The following ANKS1B variants were observed in gnomAD, a reference collection of about 807,000 sequenced individuals.
ANKS1B encodes ankyrin repeat and sterile alpha motif domain containing 1B.
In ANKS1B, 36 loss-of-function variants were observed where a neutral mutation model predicts 148.3. That is an observed-to-expected ratio of 0.24 (90% CI 0.19 to 0.32). The LOEUF (loss-of-function observed/expected upper bound fraction) is 0.32, where lower values mean the gene tolerates loss of function less well. ANKS1B is among the 10% of genes least tolerant of loss of function. ANKS1B has a pLI of 1.00. For synonymous variants in ANKS1B, 542 were observed against 560.8 expected (o/e 0.97, Z 0.47); for missense variants, 1,157 against 1,542.6 (o/e 0.75, Z 4.19).
intron 12 of ANKS1B, among the ~76,000 whole-genome samples, chr12:99,259,138 T>C (rs1602152857): frequency 6.6e-6 from 1 of 152,196 alleles, no homozygotes; most frequent in East Asian, 1.9e-4. Flanking sequence ...CGGATTACCC[T>C]AGAACCTCCT....
At position 98,926,135 on chromosome 12, in the gene ANKS1B, T is replaced by C. The variant is rs576791022; in HGVS notation, c.2779-93999A>G. 1.5e-3 allele frequency among the ~76,000 whole-genome samples: 221 copies of C among 152,288 alleles called. 1 individual carries two copies. The highest frequency in any genetic ancestry group is 4.9e-3 in the African/African-American group (202 of 41,564). On this transcript the variant is annotated intron_variant, in intron 17 of 26. Coordinates refer to ENST00000683438, the MANE Select transcript of ANKS1B (RefSeq NM_001352186.2). ...GTTGACTTTGAGGTTCTGTGCAAGC[T>C]GGATGTGAAGGCTAAGGCAGAGTTG...
chr12:99,771,472 CTA>C (rs2063187842), intron 8 of ANKS1B, among the ~76,000 whole-genome samples: 1 of 152,036 alleles, frequency 6.6e-6, no homozygotes, highest in East Asian at 1.9e-4. Flanking sequence ...AATATAAACA[CTA>C]TGTGTTGTTT....
chr12:98,961,335 TTTA>T (rs2099871056), intron 17 of ANKS1B, among the ~76,000 whole-genome samples: 1 of 152,180 alleles, frequency 6.6e-6, no homozygotes, highest in African/African-American at 2.4e-5. Flanking sequence ...GCATGACATA[TTTA>T]ATGTGCTGAA....
At chr12:98,824,610 A>G (rs1304206777) in intron 19 of ANKS1B, among the ~76,000 whole-genome samples, 3 of 152,244 alleles carry the variant, frequency 2.0e-5, no homozygotes, top group Non-Finnish European at 2.9e-5. Flanking sequence ...GAGTCACCAC[A>G]TAACTCGGTC....
chr12:99,186,294 G>C (rs7972090), intron 14 of ANKS1B, among the ~76,000 whole-genome samples: 10,682 of 152,206 alleles, frequency 0.07, 1,208 homozygotes, highest in African/African-American at 0.24. Context: ...TGGAGGAAGG[G>C]GCAGCTGTGG....
chr12:99,713,487 C>G (rs1191890047), intron 8 of ANKS1B, among the ~76,000 whole-genome samples: 1 of 152,138 alleles, frequency 6.6e-6, no homozygotes, highest in African/African-American at 2.4e-5. Context: ...GCCACATTTT[C>G]AACAGTTTGC....
chr12:99,196,601 T>C (rs2153891002), intron 14 of ANKS1B, among the ~76,000 whole-genome samples: 1 of 151,972 alleles, frequency 6.6e-6, no homozygotes, highest in South Asian at 2.1e-4. Flanking sequence ...TTTTTGTTTG[T>C]TTTTGTTTTT....
At chr12:99,528,801 A>C (rs1334224887) in intron 9 of ANKS1B, among the ~76,000 whole-genome samples, 2 of 152,194 alleles carry the variant, frequency 1.3e-5, no homozygotes, top group Non-Finnish European at 2.9e-5. Flanking sequence ...ATGTATGTTC[A>C]TATCTGTGTG....
intron 1 of ANKS1B, among the ~76,000 whole-genome samples, chr12:99,828,418 T>C (rs1362420731): frequency 1.3e-5 from 2 of 152,094 alleles, no homozygotes; most frequent in Admixed American, 6.5e-5. Context: ...GTCCCAACAC[T>C]ATGAACTCAG....
At chr12:98,840,362 ACTG>A (rs754178787) in intron 17 of ANKS1B, among the ~76,000 whole-genome samples, 1 of 152,144 alleles carries the variant, frequency 6.6e-6, no homozygotes, top group Non-Finnish European at 1.5e-5. Context: ...TTCCAAACCA[ACTG>A]CTACTAAATA....
intron 1 of ANKS1B, among the ~76,000 whole-genome samples, chr12:99,865,263 T>A (rs1419580346): frequency 6.6e-6 from 1 of 152,236 alleles, no homozygotes; most frequent in Non-Finnish European, 1.5e-5. Flanking sequence ...TTTGCCATAT[T>A]ATGTAAACAT....
At chr12:99,085,381 CA>C (rs11310854) in intron 15 of ANKS1B, among the ~76,000 whole-genome samples, 23,033 of 143,900 alleles carry the variant, frequency 0.16, 2,142 homozygotes, top group Middle Eastern at 0.28. Context: ...AAAAAAGATC[CA>C]AAAAAAAAAA....
intron 12 of ANKS1B, among the ~76,000 whole-genome samples, chr12:99,395,568 T>G (rs1367492967): frequency 6.6e-6 from 1 of 152,190 alleles, no homozygotes; most frequent in Non-Finnish European, 1.5e-5. Context: ...GCTATGAAAC[T>G]ATTTCTCCCC....
chr12:98,925,817 A>G (rs1166160971), intron 17 of ANKS1B, among the ~76,000 whole-genome samples: 1 of 152,216 alleles, frequency 6.6e-6, no homozygotes, highest in African/African-American at 2.4e-5. Flanking sequence ...AGAAAGCTCC[A>G]TTCTTATAGT....
intron 12 of ANKS1B, among the ~76,000 whole-genome samples, chr12:99,376,551 T>C (rs1385728717): frequency 1.3e-5 from 2 of 152,240 alleles, no homozygotes; most frequent in African/African-American, 2.4e-5. Flanking sequence ...CTTCAAAGTA[T>C]ATCAGTAACA....
intron 17 of ANKS1B, among the ~76,000 whole-genome samples, chr12:99,038,384 G>A (rs746392408): frequency 4.6e-5 from 7 of 151,840 alleles, no homozygotes; most frequent in Middle Eastern, 3.2e-3. Context: ...TATTTTCCTT[G>A]TAAATCCTGA....
At chr12:99,223,013 T>C (rs1156325767) in intron 14 of ANKS1B, among the ~76,000 whole-genome samples, 1 of 152,202 alleles carries the variant, frequency 6.6e-6, no homozygotes. Flanking sequence ...CATACACATG[T>C]ATATGTGTAA....
At chr12:99,477,916 T>G (rs569123073) in intron 10 of ANKS1B, among the ~76,000 whole-genome samples, 8 of 152,156 alleles carry the variant, frequency 5.3e-5, no homozygotes, top group Non-Finnish European at 1.2e-4. Context: ...ACAGTGATGT[T>G]TGTTGCAGTT....
rs540459560 is a variant in ANKS1B, at chr12:99,447,940, G to C, written c.1439-4131C>G. ...CAGGGAAAATGGCTTTTATAAAAAA[G>C]ACAGGCAATAACAGATGCTAGCAAG... On this transcript the variant is annotated intron_variant, in intron 10 of 26. Coordinates refer to ENST00000683438, the MANE Select transcript of ANKS1B (RefSeq NM_001352186.2). Among the ~76,000 whole-genome samples the C allele has an allele frequency of 6.6e-5, 10 of 152,134 alleles. No homozygotes were observed. The East Asian group carries it at 1.7e-3, about 26-fold the overall frequency.
Sources: allele counts gnomAD v4.1 joint callset (sites outside exome capture counted in the v4.1 genomes callset), GRCh38; gene constraint gnomAD v4.1.1; transcripts MANE v1.5; gene names NCBI Gene and HGNC (gene_info 2026-07-23, HGNC 2026-07-21).